The following FRMD4A variants were observed in gnomAD, a reference collection of about 807,000 sequenced individuals.
FRMD4A encodes FERM domain containing 4A.
Under a neutral mutation model 129.1 loss-of-function variants are expected in FRMD4A, and 29 were observed. The observed-to-expected ratio is 0.22, with a 90% CI of 0.17 to 0.31. The LOEUF (loss-of-function observed/expected upper bound fraction) is 0.31. Ranked by LOEUF, FRMD4A falls within the 10% of genes least tolerant of loss-of-function variation. FRMD4A has a pLI of 1.00. For synonymous variants in FRMD4A, 634 were observed against 571.6 expected (o/e 1.11, Z -1.56); for missense variants, 1,272 against 1,375.8 (o/e 0.92, Z 1.19).
chr10:13,663,757 G>A (rs952419497), intron 18 of FRMD4A, among the ~76,000 whole-genome samples: 5 of 152,104 alleles, frequency 3.3e-5, no homozygotes, highest in Admixed American at 2.0e-4. Flanking sequence ...TTTGTGCCCC[G>A]GTTTCATAGA....
chr10:13,687,319 T>G (rs998998031), intron 15 of FRMD4A, among the ~76,000 whole-genome samples: 2 of 151,996 alleles, frequency 1.3e-5, no homozygotes, highest in Non-Finnish European at 2.9e-5. Flanking sequence ...AATGAATGAA[T>G]GAGCTGTTCT....
intron 2 of FRMD4A, among the ~76,000 whole-genome samples, chr10:14,228,686 T>G (rs954089970): frequency 6.6e-6 from 1 of 152,002 alleles, no homozygotes; most frequent in Non-Finnish European, 1.5e-5. Context: ...AACAGGAGAT[T>G]CACGCATCTG....
intron 2 of FRMD4A, among the ~76,000 whole-genome samples, chr10:13,867,285 G>T (rs143448779): frequency 6.6e-6 from 1 of 151,898 alleles, no homozygotes. Flanking sequence ...TTGAAACAGG[G>T]TCTCACTCCG....
chr10:14,141,539 G>A (rs1443738229), intron 2 of FRMD4A, among the ~76,000 whole-genome samples: 4 of 151,768 alleles, frequency 2.6e-5, no homozygotes, highest in Admixed American at 1.3e-4. Context: ...CACTGAGCAC[G>A]TACATCACAT....
chr10:14,328,746 G>A (rs1187065084), intron 2 of FRMD4A, among the ~76,000 whole-genome samples: 20 of 151,912 alleles, frequency 1.3e-4, no homozygotes, highest in Admixed American at 1.3e-3. Flanking sequence ...ATGCATTTTA[G>A]TGCCAGCCAT....
chr10:13,916,815 CT>C (rs1451361353), intron 2 of FRMD4A, among the ~76,000 whole-genome samples: 3 of 152,088 alleles, frequency 2.0e-5, no homozygotes, highest in Non-Finnish European at 4.4e-5. Flanking sequence ...TATTTGTTTG[CT>C]TGTTTTTAGG....
At chr10:13,998,935 C>T (rs1425896978) in intron 2 of FRMD4A, among the ~76,000 whole-genome samples, 1 of 152,146 alleles carries the variant, frequency 6.6e-6, no homozygotes, top group African/African-American at 2.4e-5. Context: ...CCCAAAGGTC[C>T]TTCTCATGGC....
At chr10:14,123,620 T>C (rs565773180) in intron 2 of FRMD4A, among the ~76,000 whole-genome samples, 3 of 152,292 alleles carry the variant, frequency 2.0e-5, no homozygotes, top group Non-Finnish European at 4.4e-5. Context: ...TAAGTCTCTA[T>C]ACACAAAGCC....
chr10:13,843,583 C>A (rs1225096414), intron 3 of FRMD4A, among the ~76,000 whole-genome samples: 1 of 152,192 alleles, frequency 6.6e-6, no homozygotes, highest in African/African-American at 2.4e-5. Flanking sequence ...CTGCAACCTC[C>A]GCCTGCCCGG....
At chr10:13,701,876 AG>A (rs2134876672) in intron 13 of FRMD4A, among the ~76,000 whole-genome samples, 1 of 152,300 alleles carries the variant, frequency 6.6e-6, no homozygotes, top group African/African-American at 2.4e-5. Context: ...GGTGGGGATG[AG>A]TAAATTATTT....
intron 2 of FRMD4A, among the ~76,000 whole-genome samples, chr10:13,931,949 A>AT (rs1302845690): frequency 6.9e-5 from 10 of 143,918 alleles, no homozygotes; most frequent in African/African-American, 1.8e-4. Flanking sequence ...ACTCTGTCTC[A>AT]AAAACCAACC....
At chr10:13,661,600 G>T (rs1166883979) in intron 19 of FRMD4A, among the ~76,000 whole-genome samples, 1 of 152,190 alleles carries the variant, frequency 6.6e-6, no homozygotes, top group African/African-American at 2.4e-5. Flanking sequence ...CTTAAGCACG[G>T]ATGCGTCGGA....
rs118162371 is a variant in FRMD4A at position 14,231,665 on chromosome 10, T to G, written c.45+98393A>C. On this transcript the variant is annotated intron_variant, in intron 2 of 24. Transcript: ENST00000357447. ...CCGGCCTCTCATTGTGGTTTTGACT[T>G]GCATTTCTCTATTAGTGATGTTGAG... Among the ~76,000 whole-genome samples, 203 of 152,304 alleles carry G rather than the reference T, an allele frequency of 1.3e-3. 1 individual carries two copies. In the East Asian group the frequency reaches 0.016, roughly 12 times the overall value.
intron 13 of FRMD4A, among the ~76,000 whole-genome samples, chr10:13,704,494 C>A (rs1232211596): frequency 6.6e-6 from 1 of 152,134 alleles, no homozygotes; most frequent in Non-Finnish European, 1.5e-5. Flanking sequence ...TCTATATCCC[C>A]CTGAGGCCCT....
intron 2 of FRMD4A, among the ~76,000 whole-genome samples, chr10:14,264,836 C>A (rs1844922522): frequency 6.6e-6 from 1 of 152,006 alleles, no homozygotes; most frequent in Non-Finnish European, 1.5e-5. Flanking sequence ...GGCTGGAGTG[C>A]AGTGGCAAGA....
In FRMD4A at chr10:13,810,733, C is replaced by T. The variant is rs969512128; in HGVS notation, c.206+81G>A. The T allele has an allele frequency of 1.3e-5, 9 of 673,692 alleles. No homozygotes were observed. In the African/African-American group the frequency reaches 1.5e-4, roughly 11 times the overall value. 41.7% of individuals were successfully genotyped at this position (673,692 alleles called of 1,614,324 possible). A position where few individuals can be genotyped will look rare whatever the true frequency, so the allele number is the denominator to read the frequency against. ...CCCAAGTGGTCTGCAGCTGATTTCG[C>T]TGCTAACAGCTGGAGTGGAGCAGTT... On this transcript the variant is annotated intron_variant, in intron 4 of 24. Coordinates refer to ENST00000357447, the MANE Select transcript of FRMD4A (RefSeq NM_018027.5).
chr10:13,879,256 C>T (rs1043647950), intron 2 of FRMD4A, among the ~76,000 whole-genome samples: 18 of 151,792 alleles, frequency 1.2e-4, no homozygotes, highest in East Asian at 3.8e-4. Flanking sequence ...AAAAATTAGC[C>T]GGGTGTGGTG....
At chr10:13,968,662 C>G (rs2095499722) in intron 2 of FRMD4A, among the ~76,000 whole-genome samples, 2 of 152,212 alleles carry the variant, frequency 1.3e-5, no homozygotes, top group African/African-American at 4.8e-5. Flanking sequence ...CCATGTTGGT[C>G]AGGCTGGTCT....
chr10:14,091,390 C>T (rs549505091), intron 2 of FRMD4A, among the ~76,000 whole-genome samples: 207 of 152,088 alleles, frequency 1.4e-3, no homozygotes, highest in African/African-American at 4.7e-3. Context: ...TAAAGAGTGT[C>T]TTTTCCTGAA....
Sources: gnomAD v4.1 joint callset for allele counts (sites outside exome capture counted in the v4.1 genomes callset) on GRCh38, gnomAD v4.1.1 for gene constraint, MANE v1.5 for transcripts, NCBI Gene and HGNC (gene_info 2026-07-23, HGNC 2026-07-21) for gene names.